ADAMTS3: variants seen among roughly 807,000 people sequenced by gnomAD.
The protein encoded by ADAMTS3 is ADAM metallopeptidase with thrombospondin type 1 motif 3, also known as A disintegrin and metalloproteinase with thrombospondin motifs 3.
Under a neutral mutation model 129.0 loss-of-function variants are expected in ADAMTS3, and 73 were observed. The ratio of observed to expected loss-of-function variants is 0.57; its 90% CI spans 0.47 to 0.69. The LOEUF (loss-of-function observed/expected upper bound fraction) is 0.69. ADAMTS3 is among the 30% of genes least tolerant of loss of function. The pLI is 0.00. For missense variants in ADAMTS3, 1,457 were observed against 1,514.5 expected (o/e 0.96, Z 0.63); for synonymous variants, 477 against 510.8 (o/e 0.93, Z 0.89).
In ADAMTS3 at chr4:72,320,717, G is replaced by T; in HGVS notation, c.1099C>A (p.Gln367Lys). ...TRQDFGPAGM[Q>K]GYAPVTGMCH... Reference sequence around the variant, plus strand: ...TTCTACATATTGACAGCAATACCTTGCATTCCAGCAGGTCCAAAGTCTTGC... The same window carrying T: ...TTCTACATATTGACAGCAATACCTTTCATTCCAGCAGGTCCAAAGTCTTGC... Residue 367 changes from glutamine (Q) to lysine (K), a missense_variant, in exon 7 of 22, where the codon CAA (glutamine) becomes AAA (lysine). Coordinates refer to ENST00000286657, the MANE Select transcript of ADAMTS3 (RefSeq NM_014243.3). 6.2e-7 allele frequency: 1 copy of T among 1,613,006 alleles called. No homozygotes were observed. The highest frequency in any genetic ancestry group is 8.5e-7 in the Non-Finnish European group (1 of 1,179,518).
At chr4:72,519,571 G>A (rs186459856) in intron 3 of ADAMTS3, among the ~76,000 whole-genome samples, 204 of 151,890 alleles carry the variant, frequency 1.3e-3, no homozygotes, top group African/African-American at 4.3e-3. Flanking sequence ...TTCCCTTCTC[G>A]CTTCATTTGA....
intron 5 of ADAMTS3, among the ~76,000 whole-genome samples, chr4:72,333,848 CTTTTT>C (rs6148516): frequency 3.0e-5 from 3 of 99,466 alleles, no homozygotes; most frequent in African/African-American, 1.2e-4. Flanking sequence ...TGTTTGCTTG[CTTTTT>C]TTTTTTTTTT....
At chr4:72,333,968 C>T (rs554736991) in intron 5 of ADAMTS3, among the ~76,000 whole-genome samples, 2 of 148,346 alleles carry the variant, frequency 1.3e-5, no homozygotes, top group South Asian at 4.3e-4. Flanking sequence ...ATTGTCCTGC[C>T]TCAGCCTCCT....
chr4:72,534,553 A>C (rs147041965), intron 3 of ADAMTS3, among the ~76,000 whole-genome samples: 1 of 152,142 alleles, frequency 6.6e-6, no homozygotes, highest in South Asian at 2.1e-4. Flanking sequence ...GAGGAAGAGT[A>C]ATTTGTACTC....
chr4:72,466,744 C>G (rs900420693), intron 3 of ADAMTS3, among the ~76,000 whole-genome samples: 6 of 151,988 alleles, frequency 3.9e-5, no homozygotes, highest in African/African-American at 1.4e-4. Flanking sequence ...TTGTTCTCTT[C>G]TCTTTTTATC....
chr4:72,319,434 T>C lies in ADAMTS3; in HGVS notation c.1250A>G (p.Asp417Gly). 6.2e-7 allele frequency: 1 copy of C among 1,613,946 alleles called. No individual in the cohort carries two copies. The highest frequency in any genetic ancestry group is 8.5e-7 in the Non-Finnish European group (1 of 1,179,930). ...CATGACACTTCCCATAGCAGTCTCA[T>C]CACCACACCTGTTGCCTTGTCCATC... ...EHDGQGNRCG[D>G]ETAMGSVMAP... The change falls in exon 9 of 22, where the codon GAT becomes GGT. Residue 417 changes from aspartate to glycine, a missense_variant. By Grantham distance (94) the Asp-to-Gly change is moderately conservative. Transcript: ENST00000286657.
At chr4:72,438,232 T>C (rs1718017947) in intron 3 of ADAMTS3, among the ~76,000 whole-genome samples, 1 of 151,738 alleles carries the variant, frequency 6.6e-6, no homozygotes, top group East Asian at 2.0e-4. Flanking sequence ...TTTATAAATG[T>C]CTTTCCTGCT....
chr4:72,329,000 TC>T (rs1719769180), intron 5 of ADAMTS3, among the ~76,000 whole-genome samples: 1 of 152,176 alleles, frequency 6.6e-6, no homozygotes, highest in African/African-American at 2.4e-5. Context: ...TGCCAACTCT[TC>T]CCTCATCTCC....
At chr4:72,316,503 T>G (rs1719399251) in intron 10 of ADAMTS3, among the ~76,000 whole-genome samples, 1 of 151,976 alleles carries the variant, frequency 6.6e-6, no homozygotes, top group South Asian at 2.1e-4. Flanking sequence ...CTGGTCAACA[T>G]AGTGAAACCC....
intron 4 of ADAMTS3, among the ~76,000 whole-genome samples, chr4:72,406,494 C>T (rs958803894): frequency 6.6e-6 from 1 of 152,090 alleles, no homozygotes; most frequent in African/African-American, 2.4e-5. Context: ...ATTTTGTAGT[C>T]TCTACTACTT....
At chr4:72,517,928 T>C (rs1578754218) in intron 3 of ADAMTS3, among the ~76,000 whole-genome samples, 1 of 150,942 alleles carries the variant, frequency 6.6e-6, no homozygotes, top group African/African-American at 2.4e-5. Context: ...ATTGTGATGT[T>C]AGGGTGTCAA....
chr4:72,558,823 T>G (rs1518471), intron 2 of ADAMTS3, among the ~76,000 whole-genome samples: 146,102 of 151,668 alleles, frequency 0.96, 70,775 homozygotes, highest in East Asian at 1. Flanking sequence ...CCAATCCAGG[T>G]GAATCAAAGT....
chr4:72,436,754 G>A (rs968566928), intron 3 of ADAMTS3, among the ~76,000 whole-genome samples: 1 of 151,788 alleles, frequency 6.6e-6, no homozygotes, highest in South Asian at 2.1e-4. Flanking sequence ...ACTATCGCAA[G>A]GACAGAAAAC....
chr4:72,343,776 CA>C (rs1331031875), intron 4 of ADAMTS3, among the ~76,000 whole-genome samples: 1 of 152,104 alleles, frequency 6.6e-6, no homozygotes, highest in East Asian at 1.9e-4. Context: ...AAAGGCCCTG[CA>C]AAAGGTAGAG....
chr4:72,405,747 G>A (rs550708447), intron 4 of ADAMTS3, among the ~76,000 whole-genome samples: 2 of 152,084 alleles, frequency 1.3e-5, no homozygotes, highest in Non-Finnish European at 2.9e-5. Context: ...GAAGACAATG[G>A]TTGTAATTTC....
intron 3 of ADAMTS3, among the ~76,000 whole-genome samples, chr4:72,507,415 G>A (rs979742161): frequency 5.9e-5 from 9 of 152,118 alleles, no homozygotes; most frequent in Admixed American, 4.6e-4. Flanking sequence ...AGGGCCATAC[G>A]AAATAGCTGG....
At chr4:72,451,614 C>T in intron 3 of ADAMTS3, among the ~76,000 whole-genome samples, 1 of 151,588 alleles carries the variant, frequency 6.6e-6, no homozygotes, top group East Asian at 2.0e-4. Context: ...TAGACTGACA[C>T]TAAGGGGAAA....
At chr4:72,430,682 G>A (rs1722675519) in intron 3 of ADAMTS3, among the ~76,000 whole-genome samples, 1 of 151,902 alleles carries the variant, frequency 6.6e-6, no homozygotes, top group Non-Finnish European at 1.5e-5. Context: ...ATGGAAAACT[G>A]CAAGAATGGA....
chr4:72,525,965 A>AG (rs1331057723), intron 3 of ADAMTS3, among the ~76,000 whole-genome samples: 1 of 152,120 alleles, frequency 6.6e-6, no homozygotes, highest in African/African-American at 2.4e-5. Flanking sequence ...AAGAAAAACA[A>AG]GGGGGTAGAG....
Sources: allele counts gnomAD v4.1 joint callset (sites outside exome capture counted in the v4.1 genomes callset), GRCh38; gene constraint gnomAD v4.1.1; transcripts MANE v1.5; gene names NCBI Gene and HGNC (gene_info 2026-07-23, HGNC 2026-07-21).